TAOK1: variants seen among roughly 807,000 people sequenced by gnomAD.
TAOK1 encodes the protein TAO kinase 1, also known as serine/threonine-protein kinase TAO1.
Under a neutral mutation model 138.3 loss-of-function variants are expected in TAOK1, and 21 were observed. The ratio of observed to expected loss-of-function variants is 0.15; its 90% CI spans 0.11 to 0.22. The LOEUF is 0.22. Among genes scored for constraint, TAOK1 ranks in the 10% least tolerant of loss-of-function variants. TAOK1 has a pLI of 1.00. For missense variants in TAOK1, 651 were observed against 1,227.7 expected (o/e 0.53, Z 7.02); for synonymous variants, 361 against 398.4 (o/e 0.91, Z 1.12).
chr17:29,536,760 C>T (rs1165532516), intron 19 of TAOK1, among the ~76,000 whole-genome samples: 21 of 142,134 alleles, frequency 1.5e-4, no homozygotes, highest in African/African-American at 5.3e-4. Context: ...AGTGCAGTGG[C>T]GTGATCTCTG....
At chr17:29,534,427 C>A in intron 19 of TAOK1, 127 bp downstream of exon 19, 1 of 850,650 alleles carries the variant, frequency 1.2e-6, no homozygotes, top group Non-Finnish European at 1.7e-6. Flanking sequence ...TTCCTGAATT[C>A]TAGTTATGGC....
At chr17:29,515,188 A>G (rs565958305) in intron 15 of TAOK1, among the ~76,000 whole-genome samples, 89 of 152,244 alleles carry the variant, frequency 5.8e-4, no homozygotes, top group African/African-American at 2.0e-3. Context: ...CCATTCATAA[A>G]GTATGTCTCT....
At chr17:29,404,525 C>T (rs1222836140) in intron 1 of TAOK1, among the ~76,000 whole-genome samples, 2 of 152,174 alleles carry the variant, frequency 1.3e-5, no homozygotes, top group Admixed American at 1.3e-4. Context: ...GGCATGATAT[C>T]TTCCGCCTGT....
chr17:29,491,413 AAG>A (rs2031293409), intron 9 of TAOK1, among the ~76,000 whole-genome samples: 1 of 152,182 alleles, frequency 6.6e-6, no homozygotes, highest in Non-Finnish European at 1.5e-5. Flanking sequence ...GCAAATAAGA[AAG>A]AGCTTATTAT....
At chr17:29,431,664 A>C (rs1029535842) in intron 1 of TAOK1, among the ~76,000 whole-genome samples, 1 of 151,872 alleles carries the variant, frequency 6.6e-6, no homozygotes, top group Admixed American at 6.6e-5. Flanking sequence ...TTTGAGACAG[A>C]GTTTTGCTCT....
rs565115724 is a variant in TAOK1 at position 29,390,558 on chromosome 17, C to A, written c.-561C>A. The stretch of plus-strand genomic sequence containing the variant: ...CCCCGGGGGACCCCGCCCCGCCGTC[C>A]GCCGGCCGGCCCGCGGCCTCTCTTC... On this transcript the variant is annotated 5_prime_UTR_variant, in exon 1 of 20. Transcript: ENST00000261716. 2.6e-3 allele frequency: 402 copies of A among 152,598 alleles called. No homozygotes were observed. The highest frequency in any genetic ancestry group is 9.7e-3 in the Middle Eastern group (3 of 310). The allele number at this position is 152,598 out of a possible 1,614,324, so 9.5% of individuals were successfully genotyped here.
At chr17:29,391,664 A>G (rs979316914) in intron 1 of TAOK1, among the ~76,000 whole-genome samples, 3 of 152,256 alleles carry the variant, frequency 2.0e-5, no homozygotes, top group Non-Finnish European at 4.4e-5. Context: ...TTTTAAATCG[A>G]CGACAGTATC....
At chr17:29,472,504 C>T (rs936611042) in intron 3 of TAOK1, among the ~76,000 whole-genome samples, 15 of 151,786 alleles carry the variant, frequency 9.9e-5, no homozygotes, top group Non-Finnish European at 2.1e-4. Context: ...CCACCTGCCT[C>T]GGCCTCCCAA....
intron 16 of TAOK1, among the ~76,000 whole-genome samples, chr17:29,519,939 A>G (rs1301900407): frequency 6.6e-6 from 1 of 152,120 alleles, no homozygotes; most frequent in Non-Finnish European, 1.5e-5. Flanking sequence ...GGGCTGGAGC[A>G]GTGGCTCTCA....
intron 1 of TAOK1, among the ~76,000 whole-genome samples, chr17:29,397,153 G>A (rs1472074061): frequency 6.6e-6 from 1 of 151,634 alleles, no homozygotes; most frequent in Non-Finnish European, 1.5e-5. Context: ...AAATTAGCCG[G>A]GCGTGGTGGC....
chr17:29,464,598 C>A (rs1411964252), intron 2 of TAOK1, among the ~76,000 whole-genome samples: 1 of 151,916 alleles, frequency 6.6e-6, no homozygotes, highest in Non-Finnish European at 1.5e-5. Flanking sequence ...TGTTATATGA[C>A]CTTTTAGTCC....
chr17:29,493,968 G>A (rs777505438), intron 10 of TAOK1, among the ~76,000 whole-genome samples: 5 of 152,018 alleles, frequency 3.3e-5, no homozygotes, highest in Admixed American at 6.5e-5. Flanking sequence ...ACAGGCTGGA[G>A]TGCAGTTACA....
At chr17:29,411,673 G>A (rs1319356623) in intron 1 of TAOK1, among the ~76,000 whole-genome samples, 1 of 152,094 alleles carries the variant, frequency 6.6e-6, no homozygotes, top group African/African-American at 2.4e-5. Flanking sequence ...GATTACAGGC[G>A]AGAGCCACTG....
intron 13 of TAOK1, among the ~76,000 whole-genome samples, chr17:29,506,525 A>T (rs2031632178): frequency 6.6e-6 from 1 of 152,200 alleles, no homozygotes; most frequent in Non-Finnish European, 1.5e-5. Flanking sequence ...GAAAGATAGG[A>T]GGAATAGGTT....
At chr17:29,457,249 A>G (rs2030405320) in intron 2 of TAOK1, among the ~76,000 whole-genome samples, 2 of 147,984 alleles carry the variant, frequency 1.4e-5, no homozygotes, top group South Asian at 2.1e-4. Context: ...ATACAGGTGC[A>G]TGCCACCATA....
chr17:29,416,488 C>T (rs1031709404), intron 1 of TAOK1, among the ~76,000 whole-genome samples: 13 of 151,720 alleles, frequency 8.6e-5, no homozygotes, highest in East Asian at 7.8e-4. Context: ...ATTGGATCAT[C>T]GGAAAAGGGG....
chr17:29,546,386 C>G lies in TAOK1; in HGVS notation c.*3364C>G, dbSNP rs1348774840. 6.6e-6 allele frequency: 1 copy of G among 152,014 alleles called. No homozygotes were observed. Among genetic ancestry groups the G allele is most frequent in the Admixed American group, 6.6e-5 (1 of 15,242 alleles). 9.4% of individuals were successfully genotyped at this position (152,014 alleles called of 1,614,324 possible). On this transcript the variant is annotated 3_prime_UTR_variant, in exon 20 of 20. Transcript: ENST00000261716. Reference sequence around the variant, plus strand: ...TGCTTCCACCAATTTTTTTCTCACCCCCTTTTCAAAAATTGAAAACTCTAT... The same window carrying G: ...TGCTTCCACCAATTTTTTTCTCACCGCCTTTTCAAAAATTGAAAACTCTAT...
At chr17:29,534,093 TTTTC>T in intron 18 of TAOK1, 21 bp from the exon 19 acceptor site, 5 of 1,563,740 alleles carry the variant, frequency 3.2e-6, no homozygotes, top group African/African-American at 2.8e-5. Flanking sequence ...TATCTTTTTT[TTTTC>T]TCTCTCTCTC....
At chr17:29,497,814 A>G in intron 11 of TAOK1, among the ~76,000 whole-genome samples, 1 of 151,928 alleles carries the variant, frequency 6.6e-6, no homozygotes, top group East Asian at 1.9e-4. Context: ...AATAAAGAAG[A>G]ATAACAACTA....
Sources: allele counts gnomAD v4.1 joint callset (sites outside exome capture counted in the v4.1 genomes callset), GRCh38; gene constraint gnomAD v4.1.1; transcripts MANE v1.5; gene names NCBI Gene and HGNC (gene_info 2026-07-23, HGNC 2026-07-21).